Variants in PI4KB observed in about 807,000 individuals in gnomAD.
The protein encoded by PI4KB is PtdIns 4-kinase beta.
In PI4KB, 23 loss-of-function variants were observed where a neutral mutation model predicts 81.4. The ratio of observed to expected loss-of-function variants is 0.28; its 90% CI spans 0.20 to 0.40. The LOEUF (loss-of-function observed/expected upper bound fraction) is 0.40, where lower values mean the gene tolerates loss of function less well. PI4KB is among the 10% of genes least tolerant of loss of function. PI4KB has a pLI of 1.00. For missense variants in PI4KB, 651 were observed against 1,036.6 expected, an observed-to-expected ratio of 0.63 and a Z score of 5.11; for synonymous variants, 381 against 406.8, an observed-to-expected ratio of 0.94 and a Z score of 0.76.
chr1:151,326,529 C>T (rs1230476777), intron 1 of PI4KB, among the ~76,000 whole-genome samples: 1 of 152,148 alleles, frequency 6.6e-6, no homozygotes, highest in East Asian at 1.9e-4. Flanking sequence ...ACTGTCAAAT[C>T]TCTCCCCTAC....
chr1:151,293,602 G>T, intron 11 of PI4KB: 1 of 324,418 alleles, frequency 3.1e-6, no homozygotes. Flanking sequence ...TGTAGTGGAA[G>T]GAGATAATGA....
At chr1:151,312,708 G>T (rs1647297006) in intron 2 of PI4KB, among the ~76,000 whole-genome samples, 1 of 152,242 alleles carries the variant, frequency 6.6e-6, no homozygotes, top group South Asian at 2.1e-4. Context: ...AGCCTTGACA[G>T]ACGCATCCTC....
At chr1:151,304,489 G>A (rs587741876) in intron 5 of PI4KB, among the ~76,000 whole-genome samples, 4 of 149,808 alleles carry the variant, frequency 2.7e-5, no homozygotes, top group African/African-American at 7.4e-5. Context: ...GATTACAGGC[G>A]CGCGCCACCA....
chr1:151,297,031 G>T (rs1411872918), intron 9 of PI4KB, among the ~76,000 whole-genome samples: 1 of 150,020 alleles, frequency 6.7e-6, no homozygotes, highest in East Asian at 2.0e-4. Context: ...CCTGCCTCAG[G>T]CTCCCAAAGT....
intron 4 of PI4KB, among the ~76,000 whole-genome samples, chr1:151,306,967 C>T (rs1324393936): frequency 6.6e-6 from 1 of 152,128 alleles, no homozygotes; most frequent in African/African-American, 2.4e-5. Flanking sequence ...CCCAGCTACT[C>T]AGGAGGCTAA....
At chr1:151,324,900 T>C in intron 1 of PI4KB, 2 of 985,134 alleles carry the variant, frequency 2.0e-6, no homozygotes, top group Non-Finnish European at 2.4e-6. Context: ...AGCATTCTCA[T>C]GGAGCGTGGA....
intron 3 of PI4KB, 83 bp from the exon 4 acceptor site, chr1:151,307,884 G>T: frequency 9.5e-7 from 1 of 1,047,846 alleles, no homozygotes; most frequent in Non-Finnish European, 1.5e-6. Context: ...TCCTGGCCAT[G>T]CAGGCCGGGG....
chr1:151,327,215 G>GTGGGGGGGCC, intron 1 of PI4KB, 56 bp downstream of exon 1: 1 of 49,688 alleles, frequency 2.0e-5, no homozygotes, highest in Non-Finnish European at 4.5e-5. Context: ...GTGGGAGAGG[G>GTGGGGGGGCC]ACCCCCCCCC....
At chr1:151,308,708 G>A (rs747768764) in intron 3 of PI4KB, among the ~76,000 whole-genome samples, 2 of 152,180 alleles carry the variant, frequency 1.3e-5, no homozygotes, top group Non-Finnish European at 2.9e-5. Flanking sequence ...GAGGGACTCA[G>A]CTAGACACGA....
chr1:151,327,509 C>G, upstream of PI4KB: 1 of 395,686 alleles, frequency 2.5e-6, no homozygotes, highest in Non-Finnish European at 4.5e-6. Context: ...TCAGTACAAC[C>G]AAGACCAAAA....
chr1:151,294,592 G>T (rs1245375216), intron 9 of PI4KB, 51 bp from the exon 10 acceptor site: 2 of 1,594,720 alleles, frequency 1.3e-6, no homozygotes, highest in Admixed American at 1.7e-5. Context: ...GTCTGACTGA[G>T]GCTGGAACCT....
intron 11 of PI4KB, 74 bp from the exon 12 acceptor site, chr1:151,293,107 A>C: frequency 6.4e-7 from 1 of 1,564,934 alleles, no homozygotes; most frequent in Non-Finnish European, 8.7e-7. Flanking sequence ...GCAAATACAG[A>C]GCTGGGGCAT....
intron 5 of PI4KB, 48 bp from the exon 6 acceptor site, chr1:151,303,698 C>G: frequency 8.5e-7 from 1 of 1,172,552 alleles, no homozygotes; most frequent in South Asian, 1.2e-5. Flanking sequence ...ATAGGTCTCC[C>G]GTCTTTCCCC....
chr1:151,303,292 C>T lies in PI4KB; in HGVS notation c.1520+249G>A, dbSNP rs587637474. On this transcript the variant is annotated intron_variant, in intron 6 of 11. Transcript: ENST00000368873. ...GGGGTTACAGGTGTGAGCCACTATG[C>T]CCGGCCCCTCTGGTGCTTTCATCCC... The T allele has an allele frequency of 3.1e-5, 13 of 414,576 alleles. No homozygotes were observed. In the East Asian group the frequency reaches 6.3e-4, roughly 20 times the overall value. The allele number at this position is 414,576 out of a possible 1,614,324, so 25.7% of individuals were successfully genotyped here. A position where few individuals can be genotyped will look rare whatever the true frequency, so the allele number is the denominator to read the frequency against.
Position 151,315,939 on chromosome 1 carries a change from G to A in PI4KB, c.543C>T (p.Asn181=), listed in dbSNP as rs1647868321. 1 of 1,613,414 alleles carries A rather than the reference G, an allele frequency of 6.2e-7. No individual in the cohort carries two copies. Among genetic ancestry groups the A allele is most frequent in the Non-Finnish European group, 8.5e-7 (1 of 1,179,492 alleles). Residue 181 remains asparagine, a synonymous_variant, in exon 2 of 12, where the codon AAC becomes AAT. Coordinates refer to ENST00000368873, the MANE Select transcript of PI4KB (RefSeq NM_001369623.2). ...CGTCCTCATCCATGTGGATGTACAT[G>A]TTAAGCAACTGGGGCAGATAGAAGT... ...DVDFYLPQLL[N]MYIHMDEDVG...
At chr1:151,293,204 C>T in intron 11 of PI4KB, 171 bp from the exon 12 acceptor site, 1 of 985,292 alleles carries the variant, frequency 1.0e-6, no homozygotes, top group Non-Finnish European at 1.2e-6. Context: ...GGCAGGAACC[C>T]CTCATCACCC....
chr1:151,327,070 T>C (rs1274807209), intron 1 of PI4KB, among the ~76,000 whole-genome samples: 3 of 151,904 alleles, frequency 2.0e-5, no homozygotes, highest in Non-Finnish European at 4.4e-5. Flanking sequence ...GAGGAGCTAA[T>C]AGAAGAGGAA....
intron 7 of PI4KB, 53 bp from the exon 8 acceptor site, chr1:151,302,020 G>A (rs1188495433): frequency 6.2e-7 from 1 of 1,606,738 alleles, no homozygotes; most frequent in African/African-American, 1.3e-5. Context: ...GTGAGGACAA[G>A]AGACATGGCT....
intron 8 of PI4KB, 51 bp downstream of exon 8, chr1:151,301,793 G>C: frequency 1.3e-6 from 2 of 1,575,466 alleles, no homozygotes; most frequent in Non-Finnish European, 1.7e-6. Flanking sequence ...CGGCCTCCCA[G>C]AGTGCTGGGA....
Sources: gnomAD v4.1 joint callset for allele counts (sites outside exome capture counted in the v4.1 genomes callset) on GRCh38, gnomAD v4.1.1 for gene constraint, MANE v1.5 for transcripts, NCBI Gene and HGNC (gene_info 2026-07-23, HGNC 2026-07-21) for gene names.